The following CCR5AS variants were observed in gnomAD, a reference collection of about 807,000 sequenced individuals.
CCR5AS encodes the protein CCR5 antisense RNA.
intron 1 of CCR5AS, among the ~76,000 whole-genome samples, chr3:46,395,867 C>T (rs567081269): frequency 1.3e-5 from 2 of 152,144 alleles, no homozygotes; most frequent in Non-Finnish European, 2.9e-5. Context: ...AAGACCCTTT[C>T]CAGAAGGTGT....
intron 2 of CCR5AS, chr3:46,374,075 G>C: frequency 1.5e-6 from 1 of 649,388 alleles, no homozygotes; most frequent in Non-Finnish European, 2.7e-6. Context: ...GGAAGTTACT[G>C]TTATAGAGGG....
chr3:46,391,545 C>T (rs1701914451), intron 2 of CCR5AS, among the ~76,000 whole-genome samples: 1 of 152,116 alleles, frequency 6.6e-6, no homozygotes, highest in African/African-American at 2.4e-5. Context: ...GCCAAACAGG[C>T]CATGGACTCA....
intron 3 of CCR5AS, among the ~76,000 whole-genome samples, chr3:46,369,644 A>G (rs1404458894): frequency 6.6e-6 from 1 of 152,220 alleles, no homozygotes; most frequent in Admixed American, 6.5e-5. Context: ...CTGACAAAGG[A>G]CTGCTGAAAG....
At chr3:46,389,806 G>A (rs1257271625) in intron 2 of CCR5AS, among the ~76,000 whole-genome samples, 1 of 152,180 alleles carries the variant, frequency 6.6e-6, no homozygotes, top group Non-Finnish European at 1.5e-5. Context: ...CAATGCCTAA[G>A]AAGGAAGGGA....
chr3:46,376,186 A>T (rs1358346595), intron 2 of CCR5AS: 2 of 166,178 alleles, frequency 1.2e-5, no homozygotes, highest in African/African-American at 4.8e-5. Flanking sequence ...TGCATCTAAT[A>T]AAAAACACCT....
intron 1 of CCR5AS, among the ~76,000 whole-genome samples, chr3:46,405,543 A>T (rs1702036761): frequency 1.3e-5 from 2 of 152,136 alleles, no homozygotes; most frequent in Admixed American, 1.3e-4. Context: ...TGTCCTGCCC[A>T]GCTGCAGGAG....
Position 46,393,462 on chromosome 3 carries a change from A to G in CCR5AS, n.164-410T>C, listed in dbSNP as rs564803857. 2.7e-5 allele frequency among the ~76,000 whole-genome samples: 4 copies of G among 149,526 alleles called. No homozygotes were observed. In the East Asian group the frequency reaches 7.7e-4, roughly 29 times the overall value. On this transcript the variant is annotated intron_variant and non_coding_transcript_variant, in intron 1 of 3. Transcript: ENST00000451485. Reference sequence around the variant, plus strand: ...CTCCTGCCTGGGCAACAGAGCCACAAAAAAAAAAGAAAAGAAAAGAAAAGA... The same window carrying G: ...CTCCTGCCTGGGCAACAGAGCCACAGAAAAAAAAGAAAAGAAAAGAAAAGA...
At chr3:46,366,192 T>C (rs899873797) in intron 3 of CCR5AS, among the ~76,000 whole-genome samples, 41 of 152,230 alleles carry the variant, frequency 2.7e-4, no homozygotes, top group African/African-American at 9.6e-4. Flanking sequence ...CTGGGAGAGG[T>C]GTCTGAGCCC....
chr3:46,374,536 G>A (rs1701725411), intron 2 of CCR5AS: 1 of 167,116 alleles, frequency 6.0e-6, no homozygotes, highest in Non-Finnish European at 1.5e-5. Context: ...TTGTGGCCTG[G>A]GAGAGCTGGG....
chr3:46,382,749 C>T (rs1024739787), intron 2 of CCR5AS, among the ~76,000 whole-genome samples: 5 of 152,122 alleles, frequency 3.3e-5, no homozygotes, highest in African/African-American at 9.7e-5. Context: ...TTAAATGTGG[C>T]CAATGGCTAC....
At chr3:46,372,239 A>G (rs1399212945) in intron 2 of CCR5AS, among the ~76,000 whole-genome samples, 1 of 152,044 alleles carries the variant, frequency 6.6e-6, no homozygotes, top group Non-Finnish European at 1.5e-5. Flanking sequence ...AAATGTTAAG[A>G]CTGAGTTGCA....
chr3:46,369,767 A>G (rs2106738842), intron 3 of CCR5AS, among the ~76,000 whole-genome samples: 1 of 152,280 alleles, frequency 6.6e-6, no homozygotes, highest in East Asian at 1.9e-4. Context: ...CATTCAGCCC[A>G]ATACCCAGAC....
At chr3:46,393,550 A>G (rs1057259075) in intron 1 of CCR5AS, among the ~76,000 whole-genome samples, 1 of 152,216 alleles carries the variant, frequency 6.6e-6, no homozygotes, top group African/African-American at 2.4e-5. Context: ...AATTATAGGG[A>G]AAAGTGTCAC....
chr3:46,380,703 AC>A (rs1701808518), intron 2 of CCR5AS, among the ~76,000 whole-genome samples: 1 of 152,214 alleles, frequency 6.6e-6, no homozygotes, highest in Non-Finnish European at 1.5e-5. Flanking sequence ...CACGATCAGC[AC>A]CTGTGTGCTA....
chr3:46,377,207 G>A (rs1044606802), intron 2 of CCR5AS, among the ~76,000 whole-genome samples: 8 of 152,136 alleles, frequency 5.3e-5, no homozygotes, highest in South Asian at 2.1e-4. Flanking sequence ...ACGTTAGCAC[G>A]AAGAAAAGCT....
Position 46,381,704 on chromosome 3 carries a change from GA to G in CCR5AS, n.392-10288del, listed in dbSNP as rs1395805240. 2.4e-4 allele frequency among the ~76,000 whole-genome samples: 36 copies of G among 152,186 alleles called. 1 individual carries two copies. Among genetic ancestry groups the G allele is most frequent in the Admixed American group, 2.4e-3 (36 of 15,290 alleles). On this transcript the variant is annotated intron_variant and non_coding_transcript_variant, in intron 2 of 3. Coordinates refer to ENST00000451485, the Ensembl canonical transcript of CCR5AS. Reference sequence around the variant, plus strand: ...GACTATTCAAAAATCCTTTTTAGGAGAATCCTAATGGTTTCCTGACATATAA... The same window carrying G: ...GACTATTCAAAAATCCTTTTTAGGAGATCCTAATGGTTTCCTGACATATAA...
chr3:46,392,294 G>T (rs1446778404), intron 2 of CCR5AS, among the ~76,000 whole-genome samples: 1 of 152,200 alleles, frequency 6.6e-6, no homozygotes, highest in Non-Finnish European at 1.5e-5. Context: ...TGATGGCCAG[G>T]CTTATAAGCC....
intron 2 of CCR5AS, among the ~76,000 whole-genome samples, chr3:46,376,747 T>C (rs936405885): frequency 6.6e-6 from 1 of 152,172 alleles, no homozygotes; most frequent in African/African-American, 2.4e-5. Context: ...CACGAGTCTC[T>C]TACCCTGAGA....
At chr3:46,370,025 C>T (rs1701640861) in intron 3 of CCR5AS, among the ~76,000 whole-genome samples, 1 of 152,164 alleles carries the variant, frequency 6.6e-6, no homozygotes, top group South Asian at 2.1e-4. Context: ...GCTGACAATA[C>T]TTGAGATTTT....
Sources: gnomAD v4.1 joint callset for allele counts (sites outside exome capture counted in the v4.1 genomes callset) on GRCh38, gnomAD v4.1.1 for gene constraint, MANE v1.5 for transcripts, NCBI Gene and HGNC (gene_info 2026-07-23, HGNC 2026-07-21) for gene names.